Variants in KCNN2 observed in about 807,000 individuals in gnomAD.
KCNN2 encodes the protein small conductance calcium-activated potassium channel protein 2.
In KCNN2, 24 loss-of-function variants were observed where a neutral mutation model predicts 55.5. The ratio of observed to expected loss-of-function variants is 0.43; its 90% confidence interval spans 0.31 to 0.61. The LOEUF (loss-of-function observed/expected upper bound fraction) is 0.61. KCNN2 is among the 20% of genes least tolerant of loss of function. KCNN2 has a pLI of 0.08. For missense variants in KCNN2, 754 were observed against 853.6 expected, an observed-to-expected ratio of 0.88 and a Z score of 1.45; for synonymous variants, 431 against 336.1, an observed-to-expected ratio of 1.28 and a Z score of -3.09.
intron 2 of KCNN2, among the ~76,000 whole-genome samples, chr5:114,255,257 T>C (rs1754960003): frequency 6.6e-6 from 1 of 152,106 alleles, no homozygotes; most frequent in South Asian, 2.1e-4. Context: ...CATTGTAGTG[T>C]TGTAGTAGAG....
At chr5:114,234,444 T>G (rs1044948226) in intron 2 of KCNN2, among the ~76,000 whole-genome samples, 1 of 152,202 alleles carries the variant, frequency 6.6e-6, no homozygotes, top group Non-Finnish European at 1.5e-5. Context: ...AGTATATTCT[T>G]CTTTGCTCAT....
chr5:114,309,776 A>C (rs1756361204), intron 2 of KCNN2, among the ~76,000 whole-genome samples: 1 of 152,134 alleles, frequency 6.6e-6, no homozygotes, highest in African/African-American at 2.4e-5. Flanking sequence ...GTGGAGTGCA[A>C]AGTGACTCCT....
At chr5:114,110,751 A>G (rs908386531) in intron 1 of KCNN2, among the ~76,000 whole-genome samples, 1 of 151,988 alleles carries the variant, frequency 6.6e-6, no homozygotes, top group Non-Finnish European at 1.5e-5. Context: ...GAAGAGTTGC[A>G]TGGGAAAATG....
intron 3 of KCNN2, among the ~76,000 whole-genome samples, chr5:114,446,198 A>G (rs1461906104): frequency 6.6e-6 from 1 of 152,206 alleles, no homozygotes; most frequent in East Asian, 1.9e-4. Flanking sequence ...GAAGCATCAC[A>G]ACAAAATAAC....
intron 2 of KCNN2, among the ~76,000 whole-genome samples, chr5:114,381,782 G>A (rs1758133779): frequency 1.3e-5 from 2 of 152,152 alleles, no homozygotes; most frequent in Non-Finnish European, 1.5e-5. Flanking sequence ...CTGTGGCTAT[G>A]CTTTACCTTC....
chr5:114,489,159 A>C (rs57220263), intron 6 of KCNN2: 1 of 152,222 alleles, frequency 6.6e-6, no homozygotes, highest in Admixed American at 6.5e-5. Context: ...TTTGTATTAC[A>C]TCTTGTAATA....
At chr5:114,375,069 T>C (rs1304762403) in intron 2 of KCNN2, among the ~76,000 whole-genome samples, 1 of 152,194 alleles carries the variant, frequency 6.6e-6, no homozygotes, top group Non-Finnish European at 1.5e-5. Flanking sequence ...TATAGTATGC[T>C]TATCATGCTT....
chr5:114,417,853 A>G (rs190815611), intron 3 of KCNN2, among the ~76,000 whole-genome samples: 97 of 152,314 alleles, frequency 6.4e-4, no homozygotes, highest in Non-Finnish European at 1.1e-3. Flanking sequence ...AAGCTCCTCA[A>G]TGGTAAAAGG....
At chr5:114,300,896 G>T (rs1347732707) in intron 2 of KCNN2, among the ~76,000 whole-genome samples, 1 of 152,126 alleles carries the variant, frequency 6.6e-6, no homozygotes, top group Non-Finnish European at 1.5e-5. Context: ...GTGTTGGACT[G>T]GATCAGTGCC....
intron 1 of KCNN2, among the ~76,000 whole-genome samples, chr5:114,220,403 T>G (rs1486653255): frequency 6.6e-6 from 1 of 152,028 alleles, no homozygotes; most frequent in African/African-American, 2.4e-5. Flanking sequence ...CCAAGAAGAT[T>G]AAAGCCAAAT....
intron 5 of KCNN2, among the ~76,000 whole-genome samples, chr5:114,480,965 C>G (rs780267290): frequency 3.3e-5 from 5 of 152,148 alleles, no homozygotes; most frequent in Non-Finnish European, 7.3e-5. Context: ...GATAAGGATG[C>G]CCTCTCTCAC....
chr5:114,476,967 T>G (rs945042309), intron 5 of KCNN2, among the ~76,000 whole-genome samples: 1 of 68,490 alleles, frequency 1.5e-5, no homozygotes, highest in African/African-American at 3.3e-5. Context: ...CCAAATGGAC[T>G]CATATAAATG....
intron 2 of KCNN2, among the ~76,000 whole-genome samples, chr5:114,264,195 C>T (rs1029027296): frequency 6.6e-6 from 1 of 152,092 alleles, no homozygotes; most frequent in Non-Finnish European, 1.5e-5. Flanking sequence ...TCCTTTCCAT[C>T]ATTTCTATGA....
rs141956460 is a variant in KCNN2 at position 114,223,168 on chromosome 5, T to C, written c.-185+1603T>C. ...AGAAATATCAATACCTGGGCACAAA[T>C]ACATGTCAATTGATAGCATCCATCG... On this transcript the variant is annotated intron_variant, in intron 2 of 10. Coordinates refer to the KCNN2 transcript ENST00000512097. Among the ~76,000 whole-genome samples, 6 of 152,292 alleles carry C rather than the reference T, an allele frequency of 3.9e-5. No individual in the cohort carries two copies. In the East Asian group the frequency reaches 1.2e-3, roughly 29 times the overall value.
At chr5:114,331,285 G>A (rs1179388640) in intron 2 of KCNN2, among the ~76,000 whole-genome samples, 5 of 152,184 alleles carry the variant, frequency 3.3e-5, no homozygotes, top group Non-Finnish European at 5.9e-5. Context: ...CGTGAGAAGA[G>A]AGAGCTGAAA....
intron 2 of KCNN2, among the ~76,000 whole-genome samples, chr5:114,364,721 T>A (rs988065135): frequency 4.0e-5 from 6 of 151,896 alleles, no homozygotes; most frequent in African/African-American, 1.5e-4. Flanking sequence ...TTACGGGTCA[T>A]CTTGTCAGTT....
At chr5:114,129,572 C>T (rs1414390136) in intron 1 of KCNN2, among the ~76,000 whole-genome samples, 4 of 152,190 alleles carry the variant, frequency 2.6e-5, no homozygotes, top group Non-Finnish European at 5.9e-5. Context: ...CCATGTTCCC[C>T]TTAACTCTTC....
intron 2 of KCNN2, among the ~76,000 whole-genome samples, chr5:114,234,198 C>G (rs1192171655): frequency 6.6e-6 from 1 of 152,138 alleles, no homozygotes; most frequent in Non-Finnish European, 1.5e-5. Flanking sequence ...AGATTATTTT[C>G]AGACATATCA....
intron 3 of KCNN2, among the ~76,000 whole-genome samples, chr5:114,421,189 A>G (rs911187985): frequency 1.3e-5 from 2 of 151,674 alleles, no homozygotes; most frequent in African/African-American, 2.4e-5. Context: ...AAATCCTGAC[A>G]TATGGTTTTT....
Sources: gnomAD v4.1 joint callset for allele counts (sites outside exome capture counted in the v4.1 genomes callset) on GRCh38, gnomAD v4.1.1 for gene constraint, MANE v1.5 for transcripts, NCBI Gene and HGNC (gene_info 2026-07-23, HGNC 2026-07-21) for gene names.